The following STARD13 variants were observed in gnomAD, a reference collection of about 807,000 sequenced individuals.
STARD13 encodes the protein StAR related lipid transfer domain containing 13.
In STARD13, 62 loss-of-function variants were observed where a neutral mutation model predicts 106.4. The observed-to-expected ratio is 0.58, with a 90% CI of 0.48 to 0.72. The LOEUF (loss-of-function observed/expected upper bound fraction) is 0.72, where lower values mean the gene tolerates loss of function less well. Ranked by LOEUF, STARD13 falls within the 30% of genes least tolerant of loss-of-function variation. STARD13 has a pLI of 0.00. For missense variants in STARD13, 1,387 were observed against 1,424.0 expected, an observed-to-expected ratio of 0.97 and a Z score of 0.42; for synonymous variants, 565 against 553.0, an observed-to-expected ratio of 1.02 and a Z score of -0.31.
chr13:33,370,832 G>A, the STARD13 span, among the ~76,000 whole-genome samples: 5 of 151,406 alleles, frequency 3.3e-5, no homozygotes, highest in African/African-American at 1.2e-4. Context: ...TGTTGGCCAC[G>A]CTGGTCTTGA....
intron 1 of STARD13, among the ~76,000 whole-genome samples, chr13:33,199,026 T>C (rs920618882): frequency 1.3e-5 from 2 of 152,208 alleles, no homozygotes; most frequent in Admixed American, 1.3e-4. Flanking sequence ...CACGCTGAGG[T>C]TCACTCATCT....
At chr13:33,258,352 TAGA>T (rs1413125146) in intron 1 of STARD13, among the ~76,000 whole-genome samples, 5 of 152,032 alleles carry the variant, frequency 3.3e-5, no homozygotes, top group African/African-American at 9.7e-5. Context: ...ATGTTCTCAA[TAGA>T]AGAAGAGCAA....
At chr13:33,333,905 C>T (rs1024409370) in intron 1 of STARD13, 6 of 152,260 alleles carry the variant, frequency 3.9e-5, no homozygotes, top group South Asian at 2.1e-4. Flanking sequence ...TGAAGTTGGG[C>T]TGTAATCTCA....
chr13:33,270,698 A>T (rs1008510537), intron 1 of STARD13, among the ~76,000 whole-genome samples: 1 of 152,192 alleles, frequency 6.6e-6, no homozygotes, highest in Admixed American at 6.5e-5. Context: ...TACTGGGAAC[A>T]TAAGTGTTCT....
At chr13:33,499,613 CT>C in the STARD13 span, among the ~76,000 whole-genome samples, 1 of 70,588 alleles carries the variant, frequency 1.4e-5, no homozygotes, top group African/African-American at 5.8e-5. Flanking sequence ...CTTTCTTCTT[CT>C]TCTTCTTCTT....
the STARD13 span, among the ~76,000 whole-genome samples, chr13:33,358,023 G>A: frequency 2.6e-5 from 4 of 152,214 alleles, no homozygotes; most frequent in Non-Finnish European, 5.9e-5. Flanking sequence ...GGCGCTTGCG[G>A]GCCAGCTGGA....
chr13:33,165,349 TCTACAAGGTC>T lies in STARD13; in HGVS notation c.301_310del (p.Asp101AsnfsTer7). ...TCACATGGTTTACCTGCAAAGAGGT[TCTACAAGGTC>T]CTTTTCAAGAAAATCATGATCATTC... On this transcript the variant is annotated frameshift_variant, in exon 3 of 14. Coordinates refer to ENST00000336934, the MANE Select transcript of STARD13 (RefSeq NM_178006.4). LOFTEE classifies it high-confidence loss of function. 1 of 1,613,112 alleles carries T rather than the reference TCTACAAGGTC, an allele frequency of 6.2e-7. No homozygotes were observed. Among genetic ancestry groups the T allele is most frequent in the Non-Finnish European group, 8.5e-7 (1 of 1,179,078 alleles).
chr13:33,236,813 C>A (rs1216745223), intron 1 of STARD13, among the ~76,000 whole-genome samples: 1 of 152,210 alleles, frequency 6.6e-6, no homozygotes, highest in Admixed American at 6.5e-5. Flanking sequence ...TAGCTTTCTT[C>A]AACGTTGTTG....
chr13:33,494,364 G>C, the STARD13 span, among the ~76,000 whole-genome samples: 14 of 152,038 alleles, frequency 9.2e-5, no homozygotes, highest in African/African-American at 2.9e-4. Flanking sequence ...AATTCCAGGA[G>C]AGCCGTGATT....
At chr13:33,173,377 T>C (rs1884188465) in intron 1 of STARD13, among the ~76,000 whole-genome samples, 1 of 152,174 alleles carries the variant, frequency 6.6e-6, no homozygotes. Flanking sequence ...CCCATCTATA[T>C]ATGGATACCA....
intron 1 of STARD13, among the ~76,000 whole-genome samples, chr13:33,209,551 C>T (rs984528845): frequency 1.3e-5 from 2 of 151,874 alleles, no homozygotes; most frequent in Middle Eastern, 3.4e-3. Context: ...ATAAACTGAA[C>T]ACAGCAACAA....
intron 1 of STARD13, among the ~76,000 whole-genome samples, chr13:33,194,224 T>C (rs1056434944): frequency 6.6e-6 from 1 of 152,206 alleles, no homozygotes; most frequent in Non-Finnish European, 1.5e-5. Flanking sequence ...ACATGCCTAA[T>C]ACCATATTTT....
chr13:33,245,708 T>C (rs1889789976), intron 1 of STARD13, among the ~76,000 whole-genome samples: 1 of 152,196 alleles, frequency 6.6e-6, no homozygotes, highest in African/African-American at 2.4e-5. Context: ...ACAGAAAATA[T>C]GTTACTGATC....
chr13:33,572,336 G>A, the STARD13 span, among the ~76,000 whole-genome samples: 3 of 152,090 alleles, frequency 2.0e-5, no homozygotes, highest in Non-Finnish European at 4.4e-5. Context: ...ATCAAATGTA[G>A]CCAACTGTTC....
At chr13:33,429,930 G>A in the STARD13 span, among the ~76,000 whole-genome samples, 5 of 149,466 alleles carry the variant, frequency 3.3e-5, no homozygotes, top group East Asian at 5.9e-4. Flanking sequence ...TTTTTTTTGG[G>A]GGGGGGGGAC....
chr13:33,228,055 T>C (rs1282459956), intron 1 of STARD13, among the ~76,000 whole-genome samples: 1 of 152,112 alleles, frequency 6.6e-6, no homozygotes, highest in Non-Finnish European at 1.5e-5. Context: ...AAAAAGAACA[T>C]TTGACTTGGA....
At chr13:33,347,327 C>A (rs1158072168), downstream of STARD13, among the ~76,000 whole-genome samples, 1 of 152,176 alleles carries the variant, frequency 6.6e-6, no homozygotes, top group Non-Finnish European at 1.5e-5. Flanking sequence ...CCTCTGCCTC[C>A]TGGGTTCAAA....
At chr13:33,495,622 A>G in the STARD13 span, among the ~76,000 whole-genome samples, 12 of 151,950 alleles carry the variant, frequency 7.9e-5, no homozygotes, top group African/African-American at 2.6e-4. Context: ...CCATGTATAT[A>G]TTTTCTTTGA....
chr13:33,556,289 T>C, the STARD13 span, among the ~76,000 whole-genome samples: 1 of 152,154 alleles, frequency 6.6e-6, no homozygotes, highest in Admixed American at 6.5e-5. Flanking sequence ...TTTTTAAAAT[T>C]TCTTTTTAAA....
Sources: allele counts gnomAD v4.1 joint callset (sites outside exome capture counted in the v4.1 genomes callset), GRCh38; gene constraint gnomAD v4.1.1; transcripts MANE v1.5; gene names NCBI Gene and HGNC (gene_info 2026-07-23, HGNC 2026-07-21).